DST: variants seen among roughly 807,000 people sequenced by gnomAD.
DST encodes bullous pemphigoid antigen.
DST carries 253 observed loss-of-function variants against 875.2 expected under a neutral mutation model. The ratio of observed to expected loss-of-function variants is 0.29; its 90% CI spans 0.26 to 0.32. The LOEUF (loss-of-function observed/expected upper bound fraction) is 0.32. Ranked by LOEUF, DST falls within the 10% of genes least tolerant of loss-of-function variation. The probability of loss-of-function intolerance (pLI) is 1.00; values close to 1 mark genes in which losing one functional copy is unlikely to be tolerated. For synonymous variants in DST, 3,124 were observed against 3,197.1 expected, an observed-to-expected ratio of 0.98 and a Z score of 0.77; for missense variants, 8,287 against 9,111.6, an observed-to-expected ratio of 0.91 and a Z score of 3.68.
Position 56,530,083 on chromosome 6 carries a change from G to T in DST, c.17159C>A (p.Thr5720Asn). The T allele has an allele frequency of 1.2e-6, 2 of 1,606,656 alleles. No individual in the cohort carries two copies. Among genetic ancestry groups the T allele is most frequent in the South Asian group, 1.1e-5 (1 of 90,006 alleles). ...AAGCCACTCGTTCAGTGGTTCTAAG[G>T]TTTCATGAAATTGCTGTGCTACCAC... is the stretch of plus-strand genomic sequence containing the variant. ...ISVVAQQFHETLEPLNEWLTT... is the reference protein window; with the variant it reads ...ISVVAQQFHENLEPLNEWLTT... The change falls in exon 65 of 104, where the codon ACC becomes AAC. Residue 5720 changes from threonine (T) to asparagine (N), a missense_variant. This residue lies in a region of DST where 777 missense variants were observed against 764.8 expected (regional missense o/e 1.02). Coordinates refer to ENST00000680361, the MANE Select transcript of DST (RefSeq NM_001374736.1).
intron 10 of DST, among the ~76,000 whole-genome samples, chr6:56,662,032 C>T (rs1357067758): frequency 6.6e-6 from 1 of 151,898 alleles, no homozygotes; most frequent in Non-Finnish European, 1.5e-5. Context: ...AATTTCATCA[C>T]GGGCACATCT....
At chr6:56,516,137 GAGA>G (rs746344639) in intron 71 of DST, among the ~76,000 whole-genome samples, 1 of 84,802 alleles carries the variant, frequency 1.2e-5, no homozygotes, top group Non-Finnish European at 2.5e-5. Flanking sequence ...GAGAGGGAGA[GAGA>G]GAGAGAGAAA....
chr6:56,567,832 G>T (rs1041671489), intron 55 of DST, among the ~76,000 whole-genome samples: 1 of 152,046 alleles, frequency 6.6e-6, no homozygotes, highest in East Asian at 1.9e-4. Context: ...ACTTGTTACT[G>T]TATGTTTCAA....
intron 34 of DST, 46 bp from the exon 35 acceptor site, chr6:56,625,310 T>C: frequency 8.6e-7 from 1 of 1,162,974 alleles, no homozygotes; most frequent in Non-Finnish European, 1.3e-6. Flanking sequence ...AGCAAAGTAC[T>C]AGAGTTTCAT....
intron 98 of DST, among the ~76,000 whole-genome samples, chr6:56,468,158 GTAAAATAAAA>G (rs67981939): frequency 4.1e-5 from 3 of 72,704 alleles, no homozygotes. Flanking sequence ...TCTTTCCAAA[GTAAAATAAAA>G]TAAAATAAAA....
chr6:56,677,878 T>C (rs1354803508), intron 9 of DST, among the ~76,000 whole-genome samples: 1 of 152,186 alleles, frequency 6.6e-6, no homozygotes, highest in Non-Finnish European at 1.5e-5. Flanking sequence ...ATCTACCCCA[T>C]GGTAAACAAA....
chr6:56,478,064 A>G (rs2152413546), intron 90 of DST, among the ~76,000 whole-genome samples: 1 of 151,114 alleles, frequency 6.6e-6, no homozygotes, highest in Admixed American at 6.6e-5. Flanking sequence ...ATACAAAAAA[A>G]TAACTCTCCC....
Position 56,572,781 on chromosome 6 carries a change from C to T in DST, c.13520G>A (p.Gly4507Glu). ...TQALTEVDVP[G>E]KDVTELSQYM... Reference sequence around the variant, plus strand: ...CTGAGACAATTCAGTAACATCTTTTCCTGGCACATCTACTTCAGTAAGAGC... The same window carrying T: ...CTGAGACAATTCAGTAACATCTTTTTCTGGCACATCTACTTCAGTAAGAGC... Residue 4507 changes from glycine to glutamate, a missense_variant, in exon 52 of 104, where the codon GGA (glycine) becomes GAA (glutamate). Physicochemically the swap from Gly to Glu is moderately conservative, Grantham distance 98 (BLOSUM62 -2). Coordinates refer to ENST00000680361, the MANE Select transcript of DST (RefSeq NM_001374736.1). The T allele has an allele frequency of 6.2e-7, 1 of 1,603,742 alleles. No homozygotes were observed. Among genetic ancestry groups the T allele is most frequent in the East Asian group, 2.2e-5 (1 of 44,756 alleles).
intron 5 of DST, among the ~76,000 whole-genome samples, chr6:56,713,370 T>TC: frequency 6.6e-6 from 1 of 152,222 alleles, no homozygotes; most frequent in Non-Finnish European, 1.5e-5. Context: ...TCAAATGAGC[T>TC]ATAGGTTGTC....
chr6:56,732,540 A>C (rs996217427), intron 5 of DST, among the ~76,000 whole-genome samples: 2 of 152,220 alleles, frequency 1.3e-5, no homozygotes, highest in Non-Finnish European at 2.9e-5. Context: ...GAGCAAAAAA[A>C]TCCTCACCAA....
At chr6:56,721,407 A>G (rs1229798475) in intron 5 of DST, among the ~76,000 whole-genome samples, 1 of 152,254 alleles carries the variant, frequency 6.6e-6, no homozygotes, top group Non-Finnish European at 1.5e-5. Context: ...AAGGGTATTG[A>G]CTGGGGAAGT....
chr6:56,760,206 C>G (rs1030950534), intron 4 of DST, among the ~76,000 whole-genome samples: 32 of 152,110 alleles, frequency 2.1e-4, no homozygotes, highest in African/African-American at 7.5e-4. Context: ...AATTTAATAG[C>G]AAATCCATAG....
rs756215496 is a variant in DST at position 56,606,930 on chromosome 6, A to G, written c.7698T>C (p.Asp2566=). The part of the protein sequence containing the change: ...EYSCAVTPGG[D]TDNAIVSLTC... The stretch of plus-strand genomic sequence containing the variant: ...TAAGAGACACAATGGCATTATCAGT[A>G]TCACCCCCTGGAGTCACAGCACAGG... Residue 2566 remains aspartate, a synonymous_variant, in exon 40 of 104, where the codon GAT becomes GAC. Transcript: ENST00000680361. The G allele has an allele frequency of 2.5e-6, 4 of 1,613,454 alleles. No individual in the cohort carries two copies. The South Asian group carries it at 4.4e-5, about 18-fold the overall frequency.
intron 86 of DST, 108 bp from the exon 87 acceptor site, chr6:56,487,381 TTC>T: frequency 1.0e-6 from 1 of 1,000,272 alleles, no homozygotes; most frequent in Non-Finnish European, 1.4e-6. Flanking sequence ...TATAGATGCT[TTC>T]TGACTTATAA....
At chr6:56,910,405 C>T (rs1162497827) in intron 2 of DST, among the ~76,000 whole-genome samples, 1 of 152,230 alleles carries the variant, frequency 6.6e-6, no homozygotes, top group African/African-American at 2.4e-5. Flanking sequence ...AATCCTCCCA[C>T]CTGAGCCTCC....
chr6:56,595,779 A>ACCCCC (rs559086079), intron 47 of DST, among the ~76,000 whole-genome samples: 31 of 144,594 alleles, frequency 2.1e-4, no homozygotes, highest in African/African-American at 8.7e-4. Context: ...TTCATATGCT[A>ACCCCC]CCCCCACCCC....
chr6:56,576,667 C>CCT (rs1294860614), intron 50 of DST, among the ~76,000 whole-genome samples: 1 of 151,818 alleles, frequency 6.6e-6, no homozygotes, highest in Non-Finnish European at 1.5e-5. Flanking sequence ...AATCAGGTTT[C>CCT]CTCTCTCTCT....
At chr6:56,649,572 T>C (rs868712865) in intron 12 of DST, among the ~76,000 whole-genome samples, 1 of 148,486 alleles carries the variant, frequency 6.7e-6, no homozygotes, top group South Asian at 2.2e-4. Flanking sequence ...AAGTAATTAT[T>C]GATGGGGGGA....
chr6:56,492,442 G>GA lies in DST; in HGVS notation c.20551-10dup, dbSNP rs756520184. 8 of 1,597,074 alleles carry GA rather than the reference G, an allele frequency of 5.0e-6. No individual in the cohort carries two copies. The highest frequency in any genetic ancestry group is 3.6e-5 in the Admixed American group (2 of 55,590). ...ACTTCATTGGCAAAAACCTTTCCCA[G>GA]AAAAAAAGGAAATAAGTAGAAACAA... On this transcript the variant is annotated splice_polypyrimidine_tract_variant and intron_variant, in intron 84 of 103. Coordinates refer to ENST00000680361, the MANE Select transcript of DST (RefSeq NM_001374736.1).
Sources: gnomAD v4.1 joint callset for allele counts (sites outside exome capture counted in the v4.1 genomes callset) on GRCh38, gnomAD v4.1.1 for gene constraint, gnomAD v4.1.1 regional missense constraint, MANE v1.5 for transcripts, NCBI Gene and HGNC (gene_info 2026-07-23, HGNC 2026-07-21) for gene names.